The following ERN1 variants were observed in gnomAD, a reference collection of about 807,000 sequenced individuals.
The protein encoded by ERN1 is endoplasmic reticulum to nucleus signaling 1.
A neutral mutation model predicts 113.1 loss-of-function variants in ERN1; 39 were observed. The observed-to-expected ratio is 0.34, with a 90% confidence interval of 0.27 to 0.45. The LOEUF is 0.45. ERN1 is among the 20% of genes least tolerant of loss of function. The probability of loss-of-function intolerance (pLI) is 1.00; values close to 1 mark genes in which losing one functional copy is unlikely to be tolerated. For synonymous variants in ERN1, 507 were observed against 515.9 expected (o/e 0.98, Z 0.23); for missense variants, 976 against 1,274.8 (o/e 0.77, Z 3.57).
In ERN1 at chr17:64,054,130, G is replaced by A; in HGVS notation, c.1953+120C>T. ...AATTTTTGGTTTCTTTGTAGAGATG[G>A]GGTTTCACCATGTTGTCCAGGCTGG... On this transcript the variant is annotated intron_variant, in intron 15 of 21. Transcript: ENST00000433197. The surrounding 1 kb of genome is among the most constrained non-coding windows in gnomAD (Gnocchi z 4.9). The A allele has an allele frequency of 1.1e-6, 1 of 884,960 alleles. No homozygotes were observed. The highest frequency in any genetic ancestry group is 1.8e-5 in the South Asian group (1 of 55,590). The allele number at this position is 884,960 out of a possible 1,614,324, so 54.8% of individuals were successfully genotyped here. A position where few individuals can be genotyped will look rare whatever the true frequency, so the allele number is the denominator to read the frequency against.
At chr17:64,085,042 C>A (rs578072616) in intron 2 of ERN1, among the ~76,000 whole-genome samples, 82 of 152,282 alleles carry the variant, frequency 5.4e-4, no homozygotes, top group African/African-American at 2.0e-3. Context: ...TACTTAATGC[C>A]CAACTCTGGC....
At chr17:64,095,590 G>A (rs1241126264) in intron 2 of ERN1, among the ~76,000 whole-genome samples, 1 of 151,758 alleles carries the variant, frequency 6.6e-6, no homozygotes, top group South Asian at 2.1e-4. Flanking sequence ...CCCTTTCCAG[G>A]TCTGCTTCCT....
chr17:64,106,113 A>G (rs990448448), intron 1 of ERN1, among the ~76,000 whole-genome samples: 2 of 152,224 alleles, frequency 1.3e-5, no homozygotes, highest in African/African-American at 4.8e-5. Flanking sequence ...TTTGCAGTGC[A>G]GGGTTCCTTG....
chr17:64,129,723 C>T (rs1204497347), intron 1 of ERN1: 2 of 382,962 alleles, frequency 5.2e-6, no homozygotes, highest in African/African-American at 2.1e-5. Flanking sequence ...CTGCCCGTGA[C>T]AGCCGCGCTG....
intron 1 of ERN1, among the ~76,000 whole-genome samples, chr17:64,116,653 TA>T (rs1028484915): frequency 2.3e-4 from 32 of 139,198 alleles, no homozygotes; most frequent in African/African-American, 4.1e-4. Context: ...AAAAAAAAAA[TA>T]ACACACACAC....
chr17:64,095,365 G>C (rs1914201502), intron 2 of ERN1, among the ~76,000 whole-genome samples: 1 of 152,162 alleles, frequency 6.6e-6, no homozygotes. Context: ...AGAGGCAAAG[G>C]TTTCAGTGAG....
intron 4 of ERN1, among the ~76,000 whole-genome samples, chr17:64,076,159 G>A (rs1913585061): frequency 6.6e-6 from 1 of 152,130 alleles, no homozygotes; most frequent in South Asian, 2.1e-4. Flanking sequence ...GACATCTGAC[G>A]AGCTCTTTTG....
chr17:64,058,067 A>C lies in ERN1; in HGVS notation c.1207-74T>G, dbSNP rs753820123. On this transcript the variant is annotated intron_variant, in intron 11 of 21. Transcript: ENST00000433197. ...ACAGATGAGGCCAGCAATCAAGAGA[A>C]GCAATCACTGTTTACAAGGATATGA... 1.9e-4 allele frequency: 223 copies of C among 1,167,686 alleles called. 1 individual carries two copies. Among genetic ancestry groups the C allele is most frequent in the Non-Finnish European group, 2.5e-4 (211 of 836,974 alleles). 72.3% of individuals were successfully genotyped at this position (1,167,686 alleles called of 1,614,324 possible).
chr17:64,040,990 T>C lies in ERN1; in HGVS notation c.*2998A>G, dbSNP rs574733065. On this transcript the variant is annotated 3_prime_UTR_variant, in exon 22 of 22. Coordinates refer to ENST00000433197, the MANE Select transcript of ERN1 (RefSeq NM_001433.5). ...GAAACCCCGTCTCTACTAAAAAAAA[T>C]ATAAAAAATTAGCCGAGCGTGGTGG... is the stretch of plus-strand genomic sequence containing the variant. 3 of 151,392 alleles carry C rather than the reference T, an allele frequency of 2.0e-5. No homozygotes were observed. Among genetic ancestry groups the C allele is most frequent in the South Asian group, 2.1e-4 (1 of 4,794 alleles). 9.4% of individuals were successfully genotyped at this position (151,392 alleles called of 1,614,324 possible). A position where few individuals can be genotyped will look rare whatever the true frequency, so the allele number is the denominator to read the frequency against.
rs746832822 is a variant in ERN1 at position 64,060,597 on chromosome 17, G to C, written c.1088-10C>G. On this transcript the variant is annotated splice_polypyrimidine_tract_variant and intron_variant, in intron 10 of 21. Coordinates refer to ENST00000433197, the MANE Select transcript of ERN1 (RefSeq NM_001433.5). ...GGGGTTTCATGGTGTCCTATGACAG[G>C]AAACAAAACCTTTAGTGAGAACAAT... 1.9e-6 allele frequency: 3 copies of C among 1,591,152 alleles called. No homozygotes were observed. The highest frequency in any genetic ancestry group is 2.6e-6 in the Non-Finnish European group (3 of 1,159,116).
chr17:64,109,583 A>T lies in ERN1; in HGVS notation c.55-11342T>A, dbSNP rs113360365. Among the ~76,000 whole-genome samples, 501 of 152,320 alleles carry T rather than the reference A, an allele frequency of 3.3e-3. 2 individuals carry two copies. The highest frequency in any genetic ancestry group is 0.012 in the African/African-American group (482 of 41,572). On this transcript the variant is annotated intron_variant, in intron 1 of 21. Transcript: ENST00000433197. Reference sequence around the variant, plus strand: ...ATTAGCTGGATAATCCTTTAAGTCCATGCGGTTCCACACAATGCAGATCAA... The same window carrying T: ...ATTAGCTGGATAATCCTTTAAGTCCTTGCGGTTCCACACAATGCAGATCAA...
At chr17:64,083,483 T>A (rs1391026730) in intron 2 of ERN1, among the ~76,000 whole-genome samples, 1 of 152,122 alleles carries the variant, frequency 6.6e-6, no homozygotes, top group East Asian at 1.9e-4. Context: ...TAAGCCACTA[T>A]CTATATGGGG....
Position 64,114,263 on chromosome 17 carries a change from T to C in ERN1, c.54+15713A>G, listed in dbSNP as rs565992955. Among the ~76,000 whole-genome samples the C allele has an allele frequency of 1.2e-3, 188 of 152,196 alleles. 1 individual carries two copies. Among genetic ancestry groups the C allele is most frequent in the African/African-American group, 4.0e-3 (164 of 41,510 alleles). On this transcript the variant is annotated intron_variant, in intron 1 of 21. Coordinates refer to ENST00000433197, the MANE Select transcript of ERN1 (RefSeq NM_001433.5). ...TGCTTTCATGGAGCTTACAGTCCAA[T>C]AGGAGACCCCAGTAATCAATAATGA...
Position 64,052,894 on chromosome 17 carries a change from G to T in ERN1, c.2139C>A (p.Gly713=). The stretch of plus-strand genomic sequence containing the variant: ...TGCCCACTGCCAGCTTCTTGCAGAG[G>T]CCAAAGTCGGAGATCATGGCCTTGA... The part of the protein sequence containing the change: ...GKIKAMISDF[G]LCKKLAVGRH... The change falls in exon 17 of 22, where the codon GGC becomes GGA. Residue 713 remains glycine (G), a synonymous_variant. Transcript: ENST00000433197. 1 of 1,613,882 alleles carries T rather than the reference G, an allele frequency of 6.2e-7. No individual in the cohort carries two copies. The highest frequency in any genetic ancestry group is 8.5e-7 in the Non-Finnish European group (1 of 1,179,842).
chr17:64,066,282 G>A (rs1343626020), intron 8 of ERN1, among the ~76,000 whole-genome samples: 4 of 152,098 alleles, frequency 2.6e-5, no homozygotes, highest in African/African-American at 9.6e-5. Context: ...ACTTACACTG[G>A]CAGTCTCTTT....
intron 1 of ERN1, among the ~76,000 whole-genome samples, chr17:64,113,936 C>G (rs537294812): frequency 6.6e-6 from 1 of 152,188 alleles, no homozygotes; most frequent in South Asian, 2.1e-4. Context: ...CCCACCTCGG[C>G]CTCCCAAAGT....
chr17:64,130,054 G>T lies in ERN1; in HGVS notation c.-25C>A. On this transcript the variant is annotated 5_prime_UTR_variant, in exon 1 of 22. Transcript: ENST00000433197. This position sits in a 1 kb window ranked among gnomAD's most constrained non-coding sequence, Gnocchi z 4.0. ...TGGCGAGGACTCGGCCCTGGCTCCG[G>T]GGGCGGTACGGACAGAGGACGGGGC... is the stretch of plus-strand genomic sequence containing the variant. The T allele has an allele frequency of 7.2e-7, 1 of 1,386,206 alleles. No individual in the cohort carries two copies. Among genetic ancestry groups the T allele is most frequent in the East Asian group, 3.0e-5 (1 of 33,006 alleles). 85.9% of individuals were successfully genotyped at this position (1,386,206 alleles called of 1,614,324 possible). A position where few individuals can be genotyped will look rare whatever the true frequency, so the allele number is the denominator to read the frequency against.
intron 7 of ERN1, 170 bp from the exon 8 acceptor site, chr17:64,067,102 CTG>C (rs1422030258): frequency 3.9e-5 from 27 of 692,104 alleles, no homozygotes; most frequent in Non-Finnish European, 6.4e-5. Context: ...CGCTTAGTCT[CTG>C]TAATATCAAG....
At chr17:64,091,089 C>T (rs1313429529) in intron 2 of ERN1, among the ~76,000 whole-genome samples, 1 of 152,128 alleles carries the variant, frequency 6.6e-6, no homozygotes, top group Non-Finnish European at 1.5e-5. Flanking sequence ...TATTGTAAGC[C>T]TAGAAAAGTC....
Sources: allele counts gnomAD v4.1 joint callset (sites outside exome capture counted in the v4.1 genomes callset), GRCh38; gene constraint gnomAD v4.1.1; non-coding constraint Gnocchi (gnomAD v3.1); transcripts MANE v1.5; gene names NCBI Gene and HGNC (gene_info 2026-07-23, HGNC 2026-07-21).